The following ENPP2 variants were observed in gnomAD, a reference collection of about 807,000 sequenced individuals.
ENPP2 encodes autotaxin.
A neutral mutation model predicts 120.2 loss-of-function variants in ENPP2; 51 were observed. The ratio of observed to expected loss-of-function variants is 0.42; its 90% CI spans 0.34 to 0.54. The LOEUF (loss-of-function observed/expected upper bound fraction) is 0.54, where lower values mean the gene tolerates loss of function less well. Among genes scored for constraint, ENPP2 ranks in the 20% least tolerant of loss-of-function variants. The pLI is 0.04. For synonymous variants in ENPP2, 365 were observed against 366.4 expected, an observed-to-expected ratio of 1.00 and a Z score of 0.04; for missense variants, 920 against 1,066.5, an observed-to-expected ratio of 0.86 and a Z score of 1.91.
rs764330325 is a variant in ENPP2 at position 119,638,430 on chromosome 8, G to A, written c.131C>T (p.Pro44Leu). ...CAAATAGTTTTGACACTTACCTGTA[G>A]GAGGACCTTCCTCCCATCCTTCTGC... ...KRAEGWEEGPPTVLSDSPWTN... is the reference protein window; with the variant it reads ...KRAEGWEEGPLTVLSDSPWTN... The change falls in exon 2 of 25, where the codon CCT becomes CTT. Residue 44 changes from proline to leucine, a missense_variant. Coordinates refer to ENST00000075322, the MANE Select transcript of ENPP2 (RefSeq NM_001040092.3). 2 of 1,563,732 alleles carry A rather than the reference G, an allele frequency of 1.3e-6. No homozygotes were observed. Among genetic ancestry groups the A allele is most frequent in the Admixed American group, 3.3e-5 (2 of 59,936 alleles).
chr8:119,647,078 AC>A (rs1817492739), intron 1 of ENPP2, among the ~76,000 whole-genome samples: 1 of 150,838 alleles, frequency 6.6e-6, no homozygotes, highest in Non-Finnish European at 1.5e-5. Flanking sequence ...GCTCACTGCA[AC>A]CTCCGCCTCC....
At chr8:119,604,362 T>C (rs13277188) in intron 9 of ENPP2, among the ~76,000 whole-genome samples, 77,473 of 151,984 alleles carry the variant, frequency 0.51, 20,075 homozygotes, top group South Asian at 0.7. Context: ...GGCAAGGTTG[T>C]CTCTGTTTCC....
chr8:119,638,279 T>C (rs1363951709), intron 2 of ENPP2, 146 bp downstream of exon 2: 5 of 575,556 alleles, frequency 8.7e-6, no homozygotes, highest in African/African-American at 5.6e-5. Flanking sequence ...ATTATACACA[T>C]AGGTGGTTTT....
intron 11 of ENPP2, among the ~76,000 whole-genome samples, chr8:119,597,223 T>C (rs182020881): frequency 6.6e-6 from 1 of 152,162 alleles, no homozygotes; most frequent in Non-Finnish European, 1.5e-5. Context: ...TTAATGCTCC[T>C]AGTTTTAGGC....
intron 1 of ENPP2, among the ~76,000 whole-genome samples, chr8:119,654,855 C>T (rs1817724779): frequency 1.3e-5 from 2 of 152,158 alleles, no homozygotes; most frequent in South Asian, 4.1e-4. Flanking sequence ...CTCTAAGCAT[C>T]TACTATTTCT....
At chr8:119,592,645 G>C (rs951508415) in intron 12 of ENPP2, among the ~76,000 whole-genome samples, 2 of 151,654 alleles carry the variant, frequency 1.3e-5, no homozygotes, top group African/African-American at 2.4e-5. Flanking sequence ...TTAGATGTCT[G>C]GCTCCAGCAT....
chr8:119,672,292 C>G (rs959209328), intron 1 of ENPP2, among the ~76,000 whole-genome samples: 15 of 152,206 alleles, frequency 9.9e-5, no homozygotes, highest in African/African-American at 3.4e-4. Flanking sequence ...AACCTGTGCT[C>G]CGTGGAACTG....
chr8:119,580,537 A>G (rs1218814092), intron 18 of ENPP2: 1 of 200,042 alleles, frequency 5.0e-6, no homozygotes, highest in Non-Finnish European at 1.0e-5. Flanking sequence ...GTGATTCCCA[A>G]ACTAATTTAT....
chr8:119,670,525 A>T (rs1205911303), intron 1 of ENPP2, among the ~76,000 whole-genome samples: 1 of 152,182 alleles, frequency 6.6e-6, no homozygotes, highest in Non-Finnish European at 1.5e-5. Context: ...ATCCCTAAGG[A>T]CTGGTGTGGG....
intron 1 of ENPP2, among the ~76,000 whole-genome samples, chr8:119,653,351 C>T (rs532362529): frequency 3.9e-5 from 6 of 152,252 alleles, no homozygotes; most frequent in East Asian, 1.9e-4. Context: ...AAGAAAATAA[C>T]GTCAAGTAGC....
chr8:119,588,389 C>T (rs1434609206), intron 13 of ENPP2, among the ~76,000 whole-genome samples: 5 of 151,734 alleles, frequency 3.3e-5, no homozygotes, highest in Non-Finnish European at 7.4e-5. Context: ...ATTAGCCAGG[C>T]TTGGTGGCAT....
intron 1 of ENPP2, among the ~76,000 whole-genome samples, chr8:119,660,615 A>C (rs1360371443): frequency 6.6e-6 from 1 of 152,234 alleles, no homozygotes; most frequent in Non-Finnish European, 1.5e-5. Context: ...TTTGAATTCT[A>C]AGAACCGTGA....
At chr8:119,621,262 A>AT (rs1815873854) in intron 4 of ENPP2, 132 bp downstream of exon 4, 1 of 737,886 alleles carries the variant, frequency 1.4e-6, no homozygotes. Context: ...AGCATGAGAA[A>AT]TTAAAAAGGA....
At chr8:119,597,336 C>G (rs553768438) in intron 11 of ENPP2, among the ~76,000 whole-genome samples, 1 of 152,158 alleles carries the variant, frequency 6.6e-6, no homozygotes, top group Non-Finnish European at 1.5e-5. Flanking sequence ...AACTCTATGC[C>G]ATTTGCAAGA....
At chr8:119,626,285 G>A (rs538159492) in intron 3 of ENPP2, among the ~76,000 whole-genome samples, 1 of 152,194 alleles carries the variant, frequency 6.6e-6, no homozygotes, top group South Asian at 2.1e-4. Flanking sequence ...GATATAGAAA[G>A]GATGAAGGTG....
chr8:119,567,015 C>A (rs1460697308), intron 22 of ENPP2, among the ~76,000 whole-genome samples: 5 of 152,106 alleles, frequency 3.3e-5, no homozygotes, highest in African/African-American at 1.2e-4. Flanking sequence ...TGTTAAGCTG[C>A]GGAGGCCCGC....
At position 119,583,888 on chromosome 8, in the gene ENPP2, A is replaced by G. The variant is rs561006610; in HGVS notation, c.1455+74T>C. The G allele has an allele frequency of 5.1e-5, 70 of 1,364,672 alleles. No homozygotes were observed. The South Asian group carries it at 7.8e-4, about 15-fold the overall frequency. The allele number at this position is 1,364,672 out of a possible 1,614,324, so 84.5% of individuals were successfully genotyped here. A position where few individuals can be genotyped will look rare whatever the true frequency, so the allele number is the denominator to read the frequency against. On this transcript the variant is annotated intron_variant, in intron 16 of 24. Transcript: ENST00000075322. ...CTATTTATGAATACTGTACAACTTC[A>G]CTCACACCACCATTACTTATCCTTT... is the stretch of plus-strand genomic sequence containing the variant.
chr8:119,635,962 T>C (rs1816975306), intron 2 of ENPP2, among the ~76,000 whole-genome samples: 1 of 152,230 alleles, frequency 6.6e-6, no homozygotes, highest in African/African-American at 2.4e-5. Flanking sequence ...CTATGGTTAC[T>C]AAACAACTGC....
rs776343564 is a variant in ENPP2, at chr8:119,570,805, T to C, written c.1817A>G (p.Tyr606Cys). Residue 606 changes from tyrosine (Y) to cysteine (C), a missense_variant, in exon 20 of 25, where the codon TAT (tyrosine) becomes TGT (cysteine). Transcript: ENST00000075322. ...ATATAAGATATCATATCTAGTCCGATAAAGCACTGCAGGTCGCCCATAGAG... is the reference window on the plus strand; with the variant it reads ...ATATAAGATATCATATCTAGTCCGACAAAGCACTGCAGGTCGCCCATAGAG... ...HLLYGRPAVL[Y>C]RTRYDILYHT... 5 of 1,582,770 alleles carry C rather than the reference T, an allele frequency of 3.2e-6. No individual in the cohort carries two copies. The highest frequency in any genetic ancestry group is 1.2e-5 in the South Asian group (1 of 83,552).
Sources: allele counts gnomAD v4.1 joint callset (sites outside exome capture counted in the v4.1 genomes callset), GRCh38; gene constraint gnomAD v4.1.1; transcripts MANE v1.5; gene names NCBI Gene and HGNC (gene_info 2026-07-23, HGNC 2026-07-21).